BOK: variants seen among roughly 807,000 people sequenced by gnomAD.
The protein encoded by BOK is BCL2 family apoptosis regulator BOK.
BOK carries 20 observed loss-of-function variants against 18.3 expected under a neutral mutation model. That is an observed-to-expected ratio of 1.09 (90% CI 0.77 to 1.59). BOK has a LOEUF of 1.59. BOK is among the 40% of genes most tolerant of loss of function. BOK has a pLI of 0.00. For synonymous variants in BOK, 173 were observed against 142.4 expected (o/e 1.21, Z -1.53); for missense variants, 348 against 307.9 (o/e 1.13, Z -0.97).
Position 241,562,562 on chromosome 2 carries a change from C to G in BOK, c.349+86C>G. The G allele has an allele frequency of 6.8e-7, 1 of 1,476,610 alleles. No individual in the cohort carries two copies. Among genetic ancestry groups the G allele is most frequent in the African/African-American group, 1.4e-5 (1 of 71,378 alleles). 91.5% of individuals were successfully genotyped at this position (1,476,610 alleles called of 1,614,324 possible). A position where few individuals can be genotyped will look rare whatever the true frequency, so the allele number is the denominator to read the frequency against. On this transcript the variant is annotated intron_variant, in intron 3 of 4. Coordinates refer to ENST00000318407, the MANE Select transcript of BOK (RefSeq NM_032515.5). The surrounding 1 kb of genome is among the most constrained non-coding windows in gnomAD (Gnocchi z 4.5). The stretch of plus-strand genomic sequence containing the variant: ...GCTCACAGGGACCCCACGAGCTGGC[C>G]CCCACCCATCCTGGCGCTGCCCAGT...
At chr2:241,558,360 T>C (rs1453939527), upstream of BOK, among the ~76,000 whole-genome samples, 5 of 152,112 alleles carry the variant, frequency 3.3e-5, no homozygotes, top group Non-Finnish European at 5.9e-5. Context: ...TAAGAGTAAC[T>C]CCTGTTCATC....
At chr2:241,551,691 C>G (rs553511899) in intron 1 of BOK, among the ~76,000 whole-genome samples, 1 of 152,066 alleles carries the variant, frequency 6.6e-6, no homozygotes, top group Non-Finnish European at 1.5e-5. Context: ...CTCCCAGGCA[C>G]AGGGAAACCC....
chr2:241,559,642 C>G lies in BOK; in HGVS notation c.159C>G (p.Pro53=), dbSNP rs762261557. Residue 53 remains proline (P), a synonymous_variant, in exon 2 of 5, where the codon CCC becomes CCG. Coordinates refer to ENST00000318407, the MANE Select transcript of BOK (RefSeq NM_032515.5). Reference sequence around the variant, plus strand: ...GCGCCGGCCTCTCCTGGAGCGCGCCCGAGCGTGCCGCGCCGGTCCCGGGAC... The same window carrying G: ...GCGCCGGCCTCTCCTGGAGCGCGCCGGAGCGTGCCGCGCCGGTCCCGGGAC... ...LLRAGLSWSA[P]ERAAPVPGRL... 7.1e-7 allele frequency: 1 copy of G among 1,408,324 alleles called. No individual in the cohort carries two copies. Among genetic ancestry groups the G allele is most frequent in the South Asian group, 1.5e-5 (1 of 65,196 alleles). 87.2% of individuals were successfully genotyped at this position (1,408,324 alleles called of 1,614,324 possible).
At chr2:241,565,477 C>A (rs745700501) in intron 3 of BOK, among the ~76,000 whole-genome samples, 23 of 152,086 alleles carry the variant, frequency 1.5e-4, no homozygotes, top group Non-Finnish European at 3.1e-4. Flanking sequence ...GCCCTTTTGT[C>A]TACAGGGCGA....
chr2:241,561,288 G>A (rs2066523801), intron 2 of BOK, among the ~76,000 whole-genome samples: 1 of 152,254 alleles, frequency 6.6e-6, no homozygotes, highest in Admixed American at 6.5e-5. Context: ...TGCTGCCAAG[G>A]GTGCCACAGG....
At chr2:241,556,581 C>CAAAAAAA (rs55866928), upstream of BOK, among the ~76,000 whole-genome samples, 2 of 86,754 alleles carry the variant, frequency 2.3e-5, no homozygotes, top group Non-Finnish European at 4.3e-5. Flanking sequence ...GACTCCGTCT[C>CAAAAAAA]AAAAAAAAAA....
chr2:241,559,347 C>G (rs919605839), intron 1 of BOK, 108 bp from the exon 2 acceptor site: 1 of 584,472 alleles, frequency 1.7e-6, no homozygotes, highest in Non-Finnish European at 2.5e-6. Context: ...CGAGAGCGGA[C>G]CCGGCGCCGG....
upstream of BOK, among the ~76,000 whole-genome samples, chr2:241,553,961 A>G (rs959377416): frequency 1.3e-5 from 2 of 152,210 alleles, no homozygotes; most frequent in Admixed American, 1.3e-4. Context: ...AGAGTCTCAG[A>G]TCTGCCTCAG....
At chr2:241,563,311 C>T (rs2066560520) in intron 3 of BOK, among the ~76,000 whole-genome samples, 1 of 152,204 alleles carries the variant, frequency 6.6e-6, no homozygotes, top group Non-Finnish European at 1.5e-5. Flanking sequence ...GTCATCAGGT[C>T]TGGCCCTGCA....
At chr2:241,563,896 AC>A (rs2066569614) in intron 3 of BOK, among the ~76,000 whole-genome samples, 1 of 152,008 alleles carries the variant, frequency 6.6e-6, no homozygotes, top group Non-Finnish European at 1.5e-5. Flanking sequence ...TGTGAGGACC[AC>A]TGCCTCTCGC....
rs1013371872 is a variant in BOK, at chr2:241,573,333, C to T, written c.*911C>T. 1 of 151,850 alleles carries T rather than the reference C, an allele frequency of 6.6e-6. No individual in the cohort carries two copies. Among genetic ancestry groups the T allele is most frequent in the African/African-American group, 2.4e-5 (1 of 41,184 alleles). The allele number at this position is 151,850 out of a possible 1,614,324, so 9.4% of individuals were successfully genotyped here. ...CGGAACACCTCCTGTCACCTGAGCC[C>T]CAGGTGAAGGGGCCCGGGAACACCT... On this transcript the variant is annotated 3_prime_UTR_variant, in exon 5 of 5. Coordinates refer to ENST00000318407, the MANE Select transcript of BOK (RefSeq NM_032515.5).
At chr2:241,567,803 CAT>C (rs1219484791) in intron 3 of BOK, among the ~76,000 whole-genome samples, 1 of 124,910 alleles carries the variant, frequency 8.0e-6, no homozygotes, top group Non-Finnish European at 1.7e-5. Context: ...GTTAAACTCA[CAT>C]GACATAATTA....
chr2:241,556,733 T>C (rs1336929058), upstream of BOK, among the ~76,000 whole-genome samples: 2 of 152,220 alleles, frequency 1.3e-5, no homozygotes, highest in Admixed American at 6.5e-5. Context: ...CAGGTTTCGG[T>C]ATTAAAATTA....
Position 241,559,562 on chromosome 2 carries a change from C to T in BOK, c.79C>T (p.Leu27=). The change falls in exon 2 of 5, where the codon CTG becomes TTG. Residue 27 remains leucine (L), a synonymous_variant. Coordinates refer to ENST00000318407, the MANE Select transcript of BOK (RefSeq NM_032515.5). ...TGACCGCTCGCCCACAGACAAGGAG[C>T]TGGTGGCCCAGGCCAAGGCGCTGGG... is the stretch of plus-strand genomic sequence containing the variant. The part of the protein sequence containing the change: ...AFDRSPTDKE[L]VAQAKALGRE... 1 of 1,528,794 alleles carries T rather than the reference C, an allele frequency of 6.5e-7. No homozygotes were observed. The highest frequency in any genetic ancestry group is 8.7e-7 in the Non-Finnish European group (1 of 1,147,264). 94.7% of individuals were successfully genotyped at this position (1,528,794 alleles called of 1,614,324 possible).
chr2:241,570,078 C>T (rs757977030), intron 3 of BOK, 47 bp from the exon 4 acceptor site: 70 of 1,581,502 alleles, frequency 4.4e-5, no homozygotes, highest in Non-Finnish European at 5.8e-5. Context: ...TAAGTGCTCC[C>T]GTGGGCGGGA....
At position 241,562,853 on chromosome 2, in the gene BOK, G is replaced by A. The variant is rs149014168; in HGVS notation, c.349+377G>A. Reference sequence around the variant, plus strand: ...GGGCTTGGGCTTCTCACAGCATGGTGCTGTGTCCCAAGGAGGAGTGGCAAG... The same window carrying A: ...GGGCTTGGGCTTCTCACAGCATGGTACTGTGTCCCAAGGAGGAGTGGCAAG... On this transcript the variant is annotated intron_variant, in intron 3 of 4. Coordinates refer to ENST00000318407, the MANE Select transcript of BOK (RefSeq NM_032515.5). The surrounding 1 kb of genome is among the most constrained non-coding windows in gnomAD (Gnocchi z 4.5). Among the ~76,000 whole-genome samples, 174 of 152,174 alleles carry A rather than the reference G, an allele frequency of 1.1e-3. No individual in the cohort carries two copies. The highest frequency in any genetic ancestry group is 3.9e-3 in the African/African-American group (162 of 41,440).
At chr2:241,551,929 T>C (rs1365002111) in intron 1 of BOK, among the ~76,000 whole-genome samples, 1 of 143,438 alleles carries the variant, frequency 7.0e-6, no homozygotes, top group Non-Finnish European at 1.5e-5. Context: ...TGGGGTGGGG[T>C]GGGGGGCGTT....
Position 241,559,453 on chromosome 2 carries a change from A to G in BOK, c.-29-2A>G. On this transcript the variant is annotated splice_acceptor_variant, in intron 1 of 4. Coordinates refer to ENST00000318407, the MANE Select transcript of BOK (RefSeq NM_032515.5). LOFTEE classifies it low-confidence loss of function (5UTR_SPLICE). ...CACCCGGCTGAGCGCTTGTGCCCGC[A>G]GGTGCGGCGCCCCCCACCCGCGTCG... 1 of 1,412,518 alleles carries G rather than the reference A, an allele frequency of 7.1e-7. No homozygotes were observed. Among genetic ancestry groups the G allele is most frequent in the African/African-American group, 1.5e-5 (1 of 66,840 alleles). 87.5% of individuals were successfully genotyped at this position (1,412,518 alleles called of 1,614,324 possible).
In BOK at chr2:241,568,192, C is replaced by T. The variant is rs1364220661; in HGVS notation, c.350-1933C>T. ...CTAGAGTGCAATGGCGTGATCTCGG[C>T]TCACTGCAAGCTCCGCCTCCTGGGT... is the stretch of plus-strand genomic sequence containing the variant. On this transcript the variant is annotated intron_variant, in intron 3 of 4. Coordinates refer to ENST00000318407, the MANE Select transcript of BOK (RefSeq NM_032515.5). Among the ~76,000 whole-genome samples, 3 of 152,170 alleles carry T rather than the reference C, an allele frequency of 2.0e-5. No homozygotes were observed. The East Asian group carries it at 5.8e-4, about 29-fold the overall frequency.
Sources: allele counts gnomAD v4.1 joint callset (sites outside exome capture counted in the v4.1 genomes callset), GRCh38; gene constraint gnomAD v4.1.1; non-coding constraint Gnocchi (gnomAD v3.1); transcripts MANE v1.5; gene names NCBI Gene and HGNC (gene_info 2026-07-23, HGNC 2026-07-21).